Variants in ACOXL observed in about 807,000 individuals in gnomAD.
ACOXL encodes the protein acyl-coenzyme A oxidase-like protein.
Under a neutral mutation model 71.9 loss-of-function variants are expected in ACOXL, and 70 were observed. The ratio of observed to expected loss-of-function variants is 0.97; its 90% confidence interval spans 0.80 to 1.19. The LOEUF is 1.19. Ranked by LOEUF, ACOXL falls within the 50% of genes most tolerant of loss-of-function variation. ACOXL has a pLI of 0.00. For synonymous variants in ACOXL, 253 were observed against 281.6 expected, an observed-to-expected ratio of 0.90 and a Z score of 1.02; for missense variants, 703 against 736.3, an observed-to-expected ratio of 0.95 and a Z score of 0.52.
intron 10 of ACOXL, among the ~76,000 whole-genome samples, chr2:110,877,828 C>T (rs1439906754): frequency 1.3e-5 from 2 of 152,210 alleles, no homozygotes; most frequent in Non-Finnish European, 2.9e-5. Flanking sequence ...TGGCGTCTCA[C>T]CCACTGGTAA....
At chr2:110,886,388 T>TTTC (rs1343618106) in intron 10 of ACOXL, among the ~76,000 whole-genome samples, 2 of 151,096 alleles carry the variant, frequency 1.3e-5, no homozygotes, top group Non-Finnish European at 3.0e-5. Flanking sequence ...TTCTTTTTTT[T>TTTC]TTTTTTTTTA....
At chr2:110,989,148 TC>T (rs2063066981) in intron 13 of ACOXL, among the ~76,000 whole-genome samples, 1 of 152,202 alleles carries the variant, frequency 6.6e-6, no homozygotes, top group African/African-American at 2.4e-5. Flanking sequence ...AATTATTGAA[TC>T]CATACACATT....
intron 1 of ACOXL, among the ~76,000 whole-genome samples, chr2:110,752,871 C>T (rs903952231): frequency 1.3e-5 from 2 of 152,058 alleles, no homozygotes; most frequent in Non-Finnish European, 2.9e-5. Flanking sequence ...AATTGGGTGG[C>T]GCTGGGTCAG....
chr2:110,748,904 C>T (rs72830984), intron 1 of ACOXL, among the ~76,000 whole-genome samples: 8,206 of 152,174 alleles, frequency 0.054, 357 homozygotes, highest in African/African-American at 0.11. Flanking sequence ...GAAGAGAATG[C>T]TGTAGGGAAT....
chr2:111,076,055 A>T (rs565649145), intron 16 of ACOXL, among the ~76,000 whole-genome samples: 1 of 152,196 alleles, frequency 6.6e-6, no homozygotes, highest in African/African-American at 2.4e-5. Context: ...GCTATTGTTG[A>T]GTAGAATGTT....
At chr2:110,800,073 A>G (rs959603869) in intron 7 of ACOXL, among the ~76,000 whole-genome samples, 1 of 152,124 alleles carries the variant, frequency 6.6e-6, no homozygotes, top group East Asian at 1.9e-4. Context: ...AAAGCTGGCC[A>G]CCCCAGCCAG....
chr2:110,739,669 T>G (rs1323409075), intron 1 of ACOXL, among the ~76,000 whole-genome samples: 2 of 152,192 alleles, frequency 1.3e-5, no homozygotes, highest in Non-Finnish European at 2.9e-5. Flanking sequence ...CCCTCAGGCT[T>G]TGATGGACTT....
chr2:110,847,477 C>T (rs758514530), intron 10 of ACOXL, among the ~76,000 whole-genome samples: 11 of 152,146 alleles, frequency 7.2e-5, no homozygotes, highest in South Asian at 2.1e-4. Context: ...CCTAACACAA[C>T]GATTTTGCTT....
Position 111,078,928 on chromosome 2 carries a change from A to G in ACOXL, c.1441-13937A>G, listed in dbSNP as rs146010394. Among the ~76,000 whole-genome samples, 13 of 152,208 alleles carry G rather than the reference A, an allele frequency of 8.5e-5. No individual in the cohort carries two copies. In the East Asian group the frequency reaches 1.9e-3, roughly 23 times the overall value. Reference sequence around the variant, plus strand: ...GCACCTTCTGTTGATTGTGATTCCAATGTCGGTTTGGCCCTCAAACCTTTT... The same window carrying G: ...GCACCTTCTGTTGATTGTGATTCCAGTGTCGGTTTGGCCCTCAAACCTTTT... On this transcript the variant is annotated intron_variant, in intron 16 of 17. Coordinates refer to ENST00000439055, the MANE Select transcript of ACOXL (RefSeq NM_001142807.4).
intron 16 of ACOXL, among the ~76,000 whole-genome samples, chr2:111,090,634 C>T (rs1432167541): frequency 6.6e-6 from 1 of 152,188 alleles, no homozygotes; most frequent in Non-Finnish European, 1.5e-5. Flanking sequence ...CAGACATAGT[C>T]AGGATGCATG....
intron 9 of ACOXL, among the ~76,000 whole-genome samples, chr2:110,812,616 A>G (rs1413209137): frequency 6.6e-6 from 1 of 152,198 alleles, no homozygotes; most frequent in East Asian, 1.9e-4. Flanking sequence ...CTCCAGCTCC[A>G]TTCATAAACA....
chr2:110,880,894 G>A (rs7569806), intron 10 of ACOXL, among the ~76,000 whole-genome samples: 48,988 of 152,038 alleles, frequency 0.32, 8,145 homozygotes, highest in Middle Eastern at 0.4. Context: ...CACTGACATT[G>A]GGTATGGCAA....
At chr2:110,836,220 G>T (rs538914619) in intron 9 of ACOXL, among the ~76,000 whole-genome samples, 1 of 152,320 alleles carries the variant, frequency 6.6e-6, no homozygotes, top group Non-Finnish European at 1.5e-5. Flanking sequence ...GGGGTAGTGT[G>T]CTGGTCTTGC....
chr2:110,812,020 CTT>C (rs1173767738), intron 9 of ACOXL, among the ~76,000 whole-genome samples: 1 of 152,028 alleles, frequency 6.6e-6, no homozygotes, highest in Non-Finnish European at 1.5e-5. Flanking sequence ...GGTTTTTGCT[CTT>C]GTCATCAGTT....
chr2:110,885,873 AT>A (rs1225840300), intron 10 of ACOXL, among the ~76,000 whole-genome samples: 1 of 152,186 alleles, frequency 6.6e-6, no homozygotes, highest in Non-Finnish European at 1.5e-5. Context: ...ACCCTTGCAA[AT>A]GTTGTTAGTA....
At chr2:110,769,297 A>G (rs1681563113) in intron 2 of ACOXL, among the ~76,000 whole-genome samples, 1 of 152,094 alleles carries the variant, frequency 6.6e-6, no homozygotes, top group Non-Finnish European at 1.5e-5. Flanking sequence ...CCTTTGTGTC[A>G]GTATTAGGAG....
intron 9 of ACOXL, among the ~76,000 whole-genome samples, chr2:110,813,764 C>T (rs1179579780): frequency 6.6e-6 from 1 of 152,176 alleles, no homozygotes; most frequent in Admixed American, 6.5e-5. Flanking sequence ...GCTCAAGCCA[C>T]AGTCAAATAG....
At chr2:110,736,619 C>CTTTTTTTTTTTTTTTTTTTTTCT (rs57507260) in intron 1 of ACOXL, among the ~76,000 whole-genome samples, 1 of 113,264 alleles carries the variant, frequency 8.8e-6, no homozygotes, top group Non-Finnish European at 1.8e-5. Flanking sequence ...TTTGATTACT[C>CTTTTTTTTTTTTTTTTTTTTTCT]TTTTTTTTTT....
Position 111,031,724 on chromosome 2 carries a change from C to T in ACOXL, c.1369+10C>T, listed in dbSNP as rs1315222349. On this transcript the variant is annotated intron_variant, in intron 15 of 17. Coordinates refer to ENST00000439055, the MANE Select transcript of ACOXL (RefSeq NM_001142807.4). ...GCACACACTCACCGAGGTCAGTTGG[C>T]TCCTGTTGAATATTTGTAATTGAGT... 1 of 1,613,898 alleles carries T rather than the reference C, an allele frequency of 6.2e-7. No homozygotes were observed. The highest frequency in any genetic ancestry group is 8.5e-7 in the Non-Finnish European group (1 of 1,179,818).
Sources: gnomAD v4.1 joint callset for allele counts (sites outside exome capture counted in the v4.1 genomes callset) on GRCh38, gnomAD v4.1.1 for gene constraint, MANE v1.5 for transcripts, NCBI Gene and HGNC (gene_info 2026-07-23, HGNC 2026-07-21) for gene names.